SLIT3: variants seen among roughly 807,000 people sequenced by gnomAD.
The protein encoded by SLIT3 is slit homolog 3 protein.
Under a neutral mutation model 184.0 loss-of-function variants are expected in SLIT3, and 68 were observed. That is an observed-to-expected ratio of 0.37 (90% CI 0.30 to 0.45). SLIT3 has a LOEUF of 0.45. Ranked by LOEUF, SLIT3 falls within the 20% of genes least tolerant of loss-of-function variation. The pLI, the probability that SLIT3 is intolerant of heterozygous loss-of-function variation, is 1.00. For synonymous variants in SLIT3, 831 were observed against 828.6 expected (o/e 1.00, Z -0.05); for missense variants, 1,707 against 2,026.0 (o/e 0.84, Z 3.02).
At chr5:168,729,950 A>T (rs1241180268) in intron 20 of SLIT3, among the ~76,000 whole-genome samples, 2 of 152,116 alleles carry the variant, frequency 1.3e-5, no homozygotes, top group African/African-American at 4.8e-5. Flanking sequence ...AAGAAACATG[A>T]TCCAACTATA....
chr5:169,131,865 A>G (rs533679378), intron 4 of SLIT3, among the ~76,000 whole-genome samples: 2 of 152,326 alleles, frequency 1.3e-5, no homozygotes, highest in South Asian at 4.1e-4. Context: ...TCTGAAGGAA[A>G]GGGTTTAGCT....
At chr5:169,202,379 G>A (rs185471376) in intron 3 of SLIT3, among the ~76,000 whole-genome samples, 246 of 151,982 alleles carry the variant, frequency 1.6e-3, no homozygotes, top group African/African-American at 3.9e-3. Flanking sequence ...ATCTCACTTC[G>A]TCCTTAAAGA....
intron 3 of SLIT3, among the ~76,000 whole-genome samples, chr5:169,231,410 T>C (rs994533752): frequency 1.3e-5 from 2 of 152,188 alleles, no homozygotes; most frequent in Non-Finnish European, 2.9e-5. Context: ...TTTAACACCA[T>C]AGATTAGTTT....
intron 25 of SLIT3, among the ~76,000 whole-genome samples, chr5:168,709,831 GTTTT>G (rs552127988): frequency 2.1e-5 from 3 of 145,400 alleles, no homozygotes; most frequent in South Asian, 4.4e-4. Flanking sequence ...AATAAAAGGA[GTTTT>G]TTTTTTTTAA....
At chr5:169,060,702 A>G (rs543546022) in intron 4 of SLIT3, among the ~76,000 whole-genome samples, 1 of 152,334 alleles carries the variant, frequency 6.6e-6, no homozygotes, top group East Asian at 1.9e-4. Context: ...ATTTCAGCCT[A>G]AGGCTGACCA....
At chr5:169,195,921 CTG>C (rs1352522063) in intron 3 of SLIT3, among the ~76,000 whole-genome samples, 1 of 152,134 alleles carries the variant, frequency 6.6e-6, no homozygotes, top group Non-Finnish European at 1.5e-5. Context: ...AATAAAAAAA[CTG>C]TACACTAAAA....
At chr5:168,868,517 A>C (rs910795207) in intron 5 of SLIT3, among the ~76,000 whole-genome samples, 6 of 152,122 alleles carry the variant, frequency 3.9e-5, no homozygotes, top group African/African-American at 1.2e-4. Flanking sequence ...TGGGAGGACA[A>C]AGGGGGCGGA....
intron 1 of SLIT3, among the ~76,000 whole-genome samples, chr5:169,274,963 T>C (rs893442036): frequency 5.9e-5 from 9 of 152,268 alleles, no homozygotes; most frequent in Admixed American, 2.0e-4. Context: ...TAAATCAGTT[T>C]GATCCTTTGA....
intron 4 of SLIT3, among the ~76,000 whole-genome samples, chr5:168,904,630 A>G (rs1022160810): frequency 6.6e-6 from 1 of 152,180 alleles, no homozygotes; most frequent in African/African-American, 2.4e-5. Context: ...GCAAAATGCT[A>G]ATTCCAGCTC....
chr5:168,834,007 C>T (rs1253893765), intron 6 of SLIT3, among the ~76,000 whole-genome samples: 1 of 152,212 alleles, frequency 6.6e-6, no homozygotes, highest in Admixed American at 6.5e-5. Flanking sequence ...TCTGCACAGA[C>T]AGGACATCTG....
intron 1 of SLIT3, among the ~76,000 whole-genome samples, chr5:169,295,786 G>A (rs1475329153): frequency 6.6e-6 from 1 of 152,056 alleles, no homozygotes; most frequent in Admixed American, 6.6e-5. Context: ...CAATCAAAAC[G>A]GCAAAAATGC....
chr5:168,680,373 T>A (rs948319887), intron 32 of SLIT3, among the ~76,000 whole-genome samples: 2 of 152,244 alleles, frequency 1.3e-5, no homozygotes, highest in African/African-American at 4.8e-5. Flanking sequence ...CATCACCATT[T>A]GTGATTATGG....
chr5:168,999,485 A>G (rs897487423), intron 4 of SLIT3, among the ~76,000 whole-genome samples: 1 of 151,640 alleles, frequency 6.6e-6, no homozygotes, highest in Admixed American at 6.6e-5. Flanking sequence ...GTGATAACTA[A>G]TCATATCCCC....
chr5:169,167,471 T>C (rs983629548), intron 4 of SLIT3, among the ~76,000 whole-genome samples: 1 of 151,358 alleles, frequency 6.6e-6, no homozygotes, highest in African/African-American at 2.4e-5. Context: ...AGAGACGGGG[T>C]TTCACCGTGT....
At chr5:168,776,230 G>A (rs1044334090) in intron 12 of SLIT3, among the ~76,000 whole-genome samples, 5 of 152,110 alleles carry the variant, frequency 3.3e-5, no homozygotes, top group Non-Finnish European at 7.3e-5. Context: ...CCTTAGCTGC[G>A]GGCCTCATAC....
intron 10 of SLIT3, among the ~76,000 whole-genome samples, chr5:168,794,730 A>C (rs1027005393): frequency 3.3e-5 from 5 of 152,156 alleles, no homozygotes; most frequent in Admixed American, 1.3e-4. Flanking sequence ...AACTTTTCCA[A>C]CACAAGCCCC....
intron 5 of SLIT3, among the ~76,000 whole-genome samples, chr5:168,878,187 G>A (rs565857400): frequency 2.0e-4 from 30 of 152,242 alleles, no homozygotes; most frequent in African/African-American, 5.8e-4. Flanking sequence ...AGCACCTTCC[G>A]CCCTTCTAGG....
At chr5:168,985,738 G>A (rs1755101248) in intron 4 of SLIT3, among the ~76,000 whole-genome samples, 1 of 152,178 alleles carries the variant, frequency 6.6e-6, no homozygotes, top group Admixed American at 6.5e-5. Context: ...AGGCTGTGAG[G>A]TTTGCAGCTG....
In SLIT3 at chr5:168,967,588, C is replaced by T. The variant is rs1330839053; in HGVS notation, c.414-84252G>A. On this transcript the variant is annotated intron_variant, in intron 4 of 35. Transcript: ENST00000519560. ...CCAAGTAGCTGGGACTACAGGCGCC[C>T]GCCACTACGCCCGGCTAATCTTTTT... 8.4e-5 allele frequency among the ~76,000 whole-genome samples: 12 copies of T among 143,552 alleles called. 1 individual carries two copies. Among genetic ancestry groups the T allele is most frequent in the Middle Eastern group, 3.6e-3 (1 of 278 alleles). 94.2% of individuals were successfully genotyped at this position (143,552 alleles called of 152,430 possible).
Sources: gnomAD v4.1 joint callset for allele counts (sites outside exome capture counted in the v4.1 genomes callset) on GRCh38, gnomAD v4.1.1 for gene constraint, MANE v1.5 for transcripts, NCBI Gene and HGNC (gene_info 2026-07-23, HGNC 2026-07-21) for gene names.